HNRNPA1L3: variants seen among roughly 807,000 people sequenced by gnomAD.
HNRNPA1L3 encodes the protein heterogeneous nuclear ribonucleoprotein A1-like 3.
chr16:51,645,890 A>T, the HNRNPA1L3 span: 3 of 1,608,064 alleles, frequency 1.9e-6, no homozygotes, highest in Non-Finnish European at 2.5e-6. Context: ...GAGCTTTGAA[A>T]CAACTGATGA....
chr16:51,645,787 C>G, the HNRNPA1L3 span: 1 of 1,607,854 alleles, frequency 6.2e-7, no homozygotes, highest in South Asian at 1.1e-5. Context: ...GCCGAAGAAG[C>G]ATCGTTAAAG....
chr16:51,646,548 A>G, the HNRNPA1L3 span: 1,528 of 1,596,736 alleles, frequency 9.6e-4, 24 homozygotes, highest in East Asian at 0.028. Flanking sequence ...GGGGATGGCT[A>G]TAATGGATTT....
chr16:51,646,297 T>C, the HNRNPA1L3 span: 26 of 1,591,694 alleles, frequency 1.6e-5, no homozygotes, highest in Admixed American at 4.3e-4. Context: ...ACTCCGTGGA[T>C]AAGATTGTCA....
At chr16:51,646,046 C>T in the HNRNPA1L3 span, 3 of 1,586,274 alleles carry the variant, frequency 1.9e-6, no homozygotes, top group Non-Finnish European at 2.6e-6. Flanking sequence ...TGCAAGGCCA[C>T]ACAAGGTGGA....
the HNRNPA1L3 span, chr16:51,646,292 G>A: frequency 1.4e-5 from 22 of 1,593,456 alleles, no homozygotes; most frequent in African/African-American, 6.7e-5. Flanking sequence ...CCATGACTCC[G>A]TGGATAAGAT....
chr16:51,645,984 G>T, the HNRNPA1L3 span: 1 of 1,602,048 alleles, frequency 6.2e-7, no homozygotes, highest in Middle Eastern at 2.2e-4. Flanking sequence ...CGCTCCAGGG[G>T]CTTTGGGTTT....
the HNRNPA1L3 span, chr16:51,646,085 G>A: frequency 4.9e-5 from 78 of 1,594,980 alleles, no homozygotes; most frequent in East Asian, 1.7e-3. Context: ...AAAGAGAGCT[G>A]TCTCCAGAGA....
the HNRNPA1L3 span, chr16:51,646,981 T>G: frequency 6.4e-6 from 4 of 621,118 alleles, no homozygotes; most frequent in South Asian, 7.7e-5. Context: ...AACAGGTTAT[T>G]TTAGTTTCTG....
chr16:51,646,645 G>A, the HNRNPA1L3 span: 1 of 1,597,754 alleles, frequency 6.3e-7, no homozygotes, highest in African/African-American at 1.3e-5. Context: ...TTGGACCCAT[G>A]AAGGGAGGAA....
At chr16:51,646,515 G>C in the HNRNPA1L3 span, 2 of 1,597,938 alleles carry the variant, frequency 1.3e-6, no homozygotes, top group Non-Finnish European at 1.7e-6. Context: ...GGCAGCCGTG[G>C]TGGTGGTGGA....
chr16:51,646,613 T>C, the HNRNPA1L3 span: 3 of 1,594,900 alleles, frequency 1.9e-6, no homozygotes, highest in Non-Finnish European at 2.5e-6. Context: ...TTTTGGCAAT[T>C]ACAACAATCA....
At chr16:51,646,259 T>A in the HNRNPA1L3 span, 7 of 1,596,530 alleles carry the variant, frequency 4.4e-6, no homozygotes, top group Middle Eastern at 2.2e-4. Context: ...GAAAAGGGGC[T>A]TTGCCTTTGT....
chr16:51,646,789 C>G, the HNRNPA1L3 span: 2 of 1,585,406 alleles, frequency 1.3e-6, no homozygotes, highest in South Asian at 2.2e-5. Context: ...AATTAGGAAA[C>G]AAAGCTTAGC....
At chr16:51,646,060 A>G in the HNRNPA1L3 span, 2 of 1,591,104 alleles carry the variant, frequency 1.3e-6, no homozygotes, top group South Asian at 2.2e-5. Flanking sequence ...AGGTGGATGG[A>G]AGAGTTGTGG....
At chr16:51,645,928 G>C in the HNRNPA1L3 span, 1 of 1,606,994 alleles carries the variant, frequency 6.2e-7, no homozygotes, top group Non-Finnish European at 8.5e-7. Context: ...TTGAGCAATG[G>C]GGAACGCTCA....
chr16:51,646,184 G>T, the HNRNPA1L3 span: 10 of 1,590,194 alleles, frequency 6.3e-6, no homozygotes, highest in Non-Finnish European at 8.5e-6. Flanking sequence ...TCACCTAAGA[G>T]ATTATTTTGA....
chr16:51,646,307 A>G, the HNRNPA1L3 span: 2 of 1,586,596 alleles, frequency 1.3e-6, no homozygotes, highest in African/African-American at 1.3e-5. Flanking sequence ...TAAGATTGTC[A>G]TTCAGAAATA....
At chr16:51,646,511 C>T in the HNRNPA1L3 span, 79 of 1,597,598 alleles carry the variant, frequency 4.9e-5, no homozygotes, top group East Asian at 1.1e-3. Flanking sequence ...TGGTGGCAGC[C>T]GTGGTGGTGG....
At chr16:51,646,178 C>T in the HNRNPA1L3 span, 2 of 1,587,060 alleles carry the variant, frequency 1.3e-6, no homozygotes, top group South Asian at 2.2e-5. Context: ...AGAACATCAC[C>T]TAAGAGATTA....
Sources: allele counts gnomAD v4.1 joint callset, GRCh38; gene constraint gnomAD v4.1.1; transcripts MANE v1.5; gene names NCBI Gene and HGNC (gene_info 2026-07-23, HGNC 2026-07-21).